Variants in MAN1A2 observed in about 807,000 individuals in gnomAD.
MAN1A2 encodes the protein mannosyl-oligosaccharide 1,2-alpha-mannosidase IB.
A neutral mutation model predicts 75.7 loss-of-function variants in MAN1A2; 26 were observed. That is an observed-to-expected ratio of 0.34 (90% CI 0.25 to 0.48). The LOEUF (loss-of-function observed/expected upper bound fraction) is 0.48. Among genes scored for constraint, MAN1A2 ranks in the 20% least tolerant of loss-of-function variants. The pLI is 0.99. For synonymous variants in MAN1A2, 247 were observed against 264.6 expected (o/e 0.93, Z 0.65); for missense variants, 562 against 775.5 (o/e 0.72, Z 3.27).
At chr1:117,482,770 T>C (rs750466686) in intron 8 of MAN1A2, among the ~76,000 whole-genome samples, 1 of 152,166 alleles carries the variant, frequency 6.6e-6, no homozygotes, top group Non-Finnish European at 1.5e-5. Context: ...CTATTTTGGC[T>C]TTTGTTGCCA....
intron 1 of MAN1A2, among the ~76,000 whole-genome samples, chr1:117,401,127 T>G (rs1262960732): frequency 1.3e-5 from 2 of 152,064 alleles, no homozygotes; most frequent in East Asian, 3.9e-4. Context: ...TTTGTCTTTT[T>G]GTGACCAGCT....
At chr1:117,468,002 G>A (rs1157710724) in intron 8 of MAN1A2, among the ~76,000 whole-genome samples, 1 of 152,022 alleles carries the variant, frequency 6.6e-6, no homozygotes, top group Non-Finnish European at 1.5e-5. Context: ...ACAAAAAAAA[G>A]ATGTCAGTTT....
chr1:117,397,503 A>C (rs2101747538), intron 1 of MAN1A2, among the ~76,000 whole-genome samples: 1 of 152,276 alleles, frequency 6.6e-6, no homozygotes, highest in African/African-American at 2.4e-5. Flanking sequence ...AGCAATAGTA[A>C]GTGAAAATGG....
chr1:117,414,230 TTTA>T, intron 3 of MAN1A2, among the ~76,000 whole-genome samples: 1 of 151,648 alleles, frequency 6.6e-6, no homozygotes, highest in Non-Finnish European at 1.5e-5. Flanking sequence ...CTGTTGTACA[TTTA>T]TTATTATTTT....
At chr1:117,449,550 C>A (rs1297145339) in intron 6 of MAN1A2, among the ~76,000 whole-genome samples, 1 of 141,494 alleles carries the variant, frequency 7.1e-6, no homozygotes, top group African/African-American at 2.7e-5. Context: ...CAGAGCCAGA[C>A]CCTGTCTCAA....
chr1:117,513,522 A>G (rs1235805462), intron 12 of MAN1A2, among the ~76,000 whole-genome samples: 1 of 152,052 alleles, frequency 6.6e-6, no homozygotes, highest in African/African-American at 2.4e-5. Context: ...AAGGAATCAG[A>G]AAAAAAGAAT....
chr1:117,427,732 A>G (rs548258662), intron 5 of MAN1A2, among the ~76,000 whole-genome samples: 1 of 151,076 alleles, frequency 6.6e-6, no homozygotes, highest in African/African-American at 2.4e-5. Context: ...ATTCATAGAG[A>G]AATGACACAT....
At chr1:117,488,214 T>C (rs566119224) in intron 8 of MAN1A2, among the ~76,000 whole-genome samples, 1 of 76,944 alleles carries the variant, frequency 1.3e-5, no homozygotes, top group South Asian at 4.8e-4. Context: ...AGCAAATGGC[T>C]TTTTTTTTTT....
Position 117,421,917 on chromosome 1 carries a change from G to A in MAN1A2, c.855+1268G>A, listed in dbSNP as rs139443301. ...AAAGGACCGATTCAGTGGGTTTAGC[G>A]TGGAGACCATTATCCTACGTTGTTC... On this transcript the variant is annotated intron_variant, in intron 5 of 12. Coordinates refer to ENST00000356554, the MANE Select transcript of MAN1A2 (RefSeq NM_006699.5). Among the ~76,000 whole-genome samples, 10 of 152,196 alleles carry A rather than the reference G, an allele frequency of 6.6e-5. No homozygotes were observed. In the East Asian group the frequency reaches 1.2e-3, roughly 18 times the overall value.
intron 2 of MAN1A2, among the ~76,000 whole-genome samples, chr1:117,403,411 G>C (rs1647507226): frequency 6.6e-6 from 1 of 152,162 alleles, no homozygotes. Flanking sequence ...ACAGTGTTGG[G>C]AGAGACAGTG....
chr1:117,475,882 T>TAATGGGATTGCTGGGTCA (rs1650297642), intron 8 of MAN1A2, among the ~76,000 whole-genome samples: 1 of 152,172 alleles, frequency 6.6e-6, no homozygotes, highest in Non-Finnish European at 1.5e-5. Flanking sequence ...GTATACCCAG[T>TAATGGGATTGCTGGGTCA]AATGGGATTG....
At chr1:117,464,743 G>T (rs1460774200) in intron 7 of MAN1A2, among the ~76,000 whole-genome samples, 1 of 152,092 alleles carries the variant, frequency 6.6e-6, no homozygotes, top group African/African-American at 2.4e-5. Flanking sequence ...GTGAGGGAAG[G>T]GAATGAATGA....
At chr1:117,408,509 CT>C (rs929018958) in intron 3 of MAN1A2, among the ~76,000 whole-genome samples, 1 of 151,000 alleles carries the variant, frequency 6.6e-6, no homozygotes, top group African/African-American at 2.4e-5. Context: ...AAATATGTTC[CT>C]TTTGTTATTT....
At chr1:117,463,591 A>G (rs1649893407) in intron 7 of MAN1A2, among the ~76,000 whole-genome samples, 1 of 152,152 alleles carries the variant, frequency 6.6e-6, no homozygotes. Flanking sequence ...ACCCTGGTAA[A>G]TGTGAACAAG....
In MAN1A2 at chr1:117,368,144, A is replaced by G. The variant is rs373963086; in HGVS notation, c.-40A>G. The G allele has an allele frequency of 1.9e-6, 3 of 1,540,362 alleles. No individual in the cohort carries two copies. In the African/African-American group the frequency reaches 4.2e-5, roughly 21 times the overall value. On this transcript the variant is annotated 5_prime_UTR_variant, in exon 1 of 13. The change abolishes an upstream ATG in the 5' untranslated region. Coordinates refer to ENST00000356554, the MANE Select transcript of MAN1A2 (RefSeq NM_006699.5). The stretch of plus-strand genomic sequence containing the variant: ...CAATGTATTCTACATTTGACATAAG[A>G]TGAGAACTTTCTAAAGTATTCTCTC...
intron 8 of MAN1A2, among the ~76,000 whole-genome samples, chr1:117,489,294 T>G (rs1400717135): frequency 1.3e-5 from 2 of 152,090 alleles, no homozygotes; most frequent in African/African-American, 4.8e-5. Flanking sequence ...TTTTGTTAGC[T>G]TCTGCAAAAT....
chr1:117,393,428 C>T (rs1653797648), intron 1 of MAN1A2, among the ~76,000 whole-genome samples: 2 of 150,792 alleles, frequency 1.3e-5, no homozygotes, highest in African/African-American at 4.9e-5. Context: ...CAAAATCATT[C>T]TTGGCCTATA....
rs1197099693 is a variant in MAN1A2 at position 117,416,082 on chromosome 1, T to G, written c.774+1251T>G. Among the ~76,000 whole-genome samples, 9 of 152,042 alleles carry G rather than the reference T, an allele frequency of 5.9e-5. No homozygotes were observed. The East Asian group carries it at 1.7e-3, about 29-fold the overall frequency. On this transcript the variant is annotated intron_variant, in intron 4 of 12. Transcript: ENST00000356554. Reference sequence around the variant, plus strand: ...ATATTTTATTCTGAAGGTTTTAAAGTTTTGCTTTTGTATTTAGTCTTTAAT... The same window carrying G: ...ATATTTTATTCTGAAGGTTTTAAAGGTTTGCTTTTGTATTTAGTCTTTAAT...
At chr1:117,415,789 A>G (rs1647971538) in intron 4 of MAN1A2, among the ~76,000 whole-genome samples, 1 of 151,996 alleles carries the variant, frequency 6.6e-6, no homozygotes, top group Non-Finnish European at 1.5e-5. Context: ...TATATCTTAG[A>G]CCTCATGATA....
Sources: allele counts gnomAD v4.1 joint callset (sites outside exome capture counted in the v4.1 genomes callset), GRCh38; gene constraint gnomAD v4.1.1; transcripts MANE v1.5; gene names NCBI Gene and HGNC (gene_info 2026-07-23, HGNC 2026-07-21).